FARS2: variants seen among roughly 807,000 people sequenced by gnomAD.
The protein encoded by FARS2 is phenylalanine--tRNA ligase, mitochondrial.
A neutral mutation model predicts 46.4 loss-of-function variants in FARS2; 40 were observed. The observed-to-expected ratio is 0.86, with a 90% confidence interval of 0.67 to 1.12. The LOEUF (loss-of-function observed/expected upper bound fraction) is 1.12, where lower values mean the gene tolerates loss of function less well. FARS2 is among the 50% of genes most tolerant of loss of function. The pLI is 0.00. For synonymous variants in FARS2, 234 were observed against 214.9 expected (o/e 1.09, Z -0.78); for missense variants, 513 against 567.9 (o/e 0.90, Z 0.98).
chr6:5,275,107 G>A (rs1766246215), intron 1 of FARS2, among the ~76,000 whole-genome samples: 1 of 152,264 alleles, frequency 6.6e-6, no homozygotes, highest in Middle Eastern at 3.4e-3. Context: ...GTCAATTTAA[G>A]TTATTTGTTT....
intron 1 of FARS2, among the ~76,000 whole-genome samples, chr6:5,354,819 A>G (rs531972175): frequency 6.6e-6 from 1 of 151,992 alleles, no homozygotes; most frequent in Non-Finnish European, 1.5e-5. Context: ...GGCCTATGCT[A>G]GTGGTTTTCA....
intron 5 of FARS2, chr6:5,610,306 C>CA: frequency 3.4e-6 from 1 of 290,444 alleles, no homozygotes; most frequent in East Asian, 5.1e-5. Flanking sequence ...CTTTTCAATT[C>CA]TTTTTAAAAA....
intron 6 of FARS2, among the ~76,000 whole-genome samples, chr6:5,724,857 C>T (rs540133277): frequency 4.6e-5 from 7 of 152,364 alleles, no homozygotes; most frequent in African/African-American, 1.7e-4. Flanking sequence ...AATACATCTG[C>T]CCCTTTTTGG....
chr6:5,296,144 T>C lies in FARS2; in HGVS notation c.-22+34484T>C, dbSNP rs1472441320. ...TCATTTTGGCCTTTTTTTTTTTTTT[T>C]TTTTTTTTTTTTTTTGAGACGAAGT... is the stretch of plus-strand genomic sequence containing the variant. On this transcript the variant is annotated intron_variant, in intron 1 of 6. Transcript: ENST00000274680. Among the ~76,000 whole-genome samples, 6 of 119,500 alleles carry C rather than the reference T, an allele frequency of 5.0e-5. No homozygotes were observed. In the South Asian group the frequency reaches 1.3e-3, roughly 25 times the overall value. 78.4% of individuals were successfully genotyped at this position (119,500 alleles called of 152,430 possible). A position where few individuals can be genotyped will look rare whatever the true frequency, so the allele number is the denominator to read the frequency against.
chr6:5,653,931 A>C (rs563523137), intron 6 of FARS2, among the ~76,000 whole-genome samples: 1 of 152,290 alleles, frequency 6.6e-6, no homozygotes, highest in East Asian at 1.9e-4. Flanking sequence ...GGTTTCTGTG[A>C]ACATTCAGAA....
At position 5,574,448 on chromosome 6, in the gene FARS2, G is replaced by C. The variant is rs535895430; in HGVS notation, c.1065+29108G>C. ...AAAAATAGGTCTACTGTATGGAGCG[G>C]TCATATTTATAATAGTAGAAGGTTG... On this transcript the variant is annotated intron_variant, in intron 5 of 6. Coordinates refer to ENST00000274680, the MANE Select transcript of FARS2 (RefSeq NM_006567.5). 3.9e-5 allele frequency among the ~76,000 whole-genome samples: 6 copies of C among 152,296 alleles called. No individual in the cohort carries two copies. In the South Asian group the frequency reaches 1.2e-3, roughly 32 times the overall value.
chr6:5,395,737 G>A (rs576986510), intron 2 of FARS2, among the ~76,000 whole-genome samples: 72 of 152,262 alleles, frequency 4.7e-4, no homozygotes, highest in African/African-American at 1.7e-3. Context: ...TTTGGGGTTG[G>A]CCACTGTATT....
At chr6:5,694,988 T>TG in intron 6 of FARS2, 1 of 152,324 alleles carries the variant, frequency 6.6e-6, no homozygotes, top group East Asian at 1.9e-4. Context: ...ACAGCCTGGG[T>TG]GATAGAGCAA....
chr6:5,699,764 C>A (rs1177459145), intron 6 of FARS2, among the ~76,000 whole-genome samples: 1 of 152,168 alleles, frequency 6.6e-6, no homozygotes, highest in African/African-American at 2.4e-5. Flanking sequence ...GCACTTATGC[C>A]TAGTACTGGG....
intron 4 of FARS2, among the ~76,000 whole-genome samples, chr6:5,432,362 T>TAA (rs36083846): frequency 0.15 from 17,635 of 114,566 alleles, 1,946 homozygotes; most frequent in East Asian, 0.45. Context: ...TATATATATA[T>TAA]AATATATTAT....
chr6:5,580,983 C>G (rs1773296694), intron 5 of FARS2, among the ~76,000 whole-genome samples: 1 of 152,234 alleles, frequency 6.6e-6, no homozygotes, highest in Non-Finnish European at 1.5e-5. Context: ...AGTTTTCCCT[C>G]TGTGTGCATG....
chr6:5,739,353 T>C (rs993285331), intron 6 of FARS2, among the ~76,000 whole-genome samples: 4 of 150,566 alleles, frequency 2.7e-5, no homozygotes, highest in African/African-American at 9.8e-5. Flanking sequence ...AAATTGTAAT[T>C]AAAAAAAGAT....
chr6:5,633,262 CTTTTTTTTTTTTT>C (rs59797062), intron 6 of FARS2, among the ~76,000 whole-genome samples: 22 of 50,054 alleles, frequency 4.4e-4, no homozygotes, highest in African/African-American at 1.3e-3. Context: ...CCATCCCTGG[CTTTTTTTTTTTTT>C]TTTTTTTTTT....
intron 2 of FARS2, among the ~76,000 whole-genome samples, chr6:5,384,011 T>G (rs930236797): frequency 8.5e-5 from 13 of 152,218 alleles, no homozygotes; most frequent in Admixed American, 2.0e-4. Flanking sequence ...ATCATAATTT[T>G]AAAGTTGACA....
chr6:5,260,814 G>A (rs1765044699), upstream of FARS2: 3 of 1,527,650 alleles, frequency 2.0e-6, no homozygotes, highest in African/African-American at 1.4e-5. Context: ...CAGCCTGTGC[G>A]GAAACCACGA....
chr6:5,405,449 T>TACATGAGG (rs1209699799), intron 3 of FARS2, among the ~76,000 whole-genome samples: 54 of 150,530 alleles, frequency 3.6e-4, no homozygotes, highest in African/African-American at 1.1e-3. Flanking sequence ...ATGTTATCAT[T>TACATGAGG]ACATGAGGAC....
chr6:5,466,102 C>T (rs571291222), intron 4 of FARS2, among the ~76,000 whole-genome samples: 34 of 152,196 alleles, frequency 2.2e-4, no homozygotes, highest in African/African-American at 7.5e-4. Context: ...TTTTCAACGG[C>T]GATGGGTAAT....
At chr6:5,345,533 C>T (rs1008129035) in intron 1 of FARS2, among the ~76,000 whole-genome samples, 2 of 152,204 alleles carry the variant, frequency 1.3e-5, no homozygotes, top group Non-Finnish European at 2.9e-5. Context: ...TTACCCACAG[C>T]TTCTCAGGCG....
intron 2 of FARS2, among the ~76,000 whole-genome samples, chr6:5,393,358 A>T (rs1040367340): frequency 2.6e-5 from 4 of 152,062 alleles, no homozygotes; most frequent in Admixed American, 6.6e-5. Flanking sequence ...GCTCATGTAG[A>T]AGATGACAAG....
Sources: gnomAD v4.1 joint callset for allele counts (sites outside exome capture counted in the v4.1 genomes callset) on GRCh38, gnomAD v4.1.1 for gene constraint, MANE v1.5 for transcripts, NCBI Gene and HGNC (gene_info 2026-07-23, HGNC 2026-07-21) for gene names.